NFRKB: variants seen among roughly 807,000 people sequenced by gnomAD.
The protein encoded by NFRKB is nuclear factor related to kappa-B-binding protein.
Under a neutral mutation model 135.7 loss-of-function variants are expected in NFRKB, and 62 were observed. The observed-to-expected ratio is 0.46, with a 90% CI of 0.37 to 0.56. The LOEUF is 0.56. Ranked by LOEUF, NFRKB falls within the 20% of genes least tolerant of loss-of-function variation. NFRKB has a pLI of 0.00. For synonymous variants in NFRKB, 678 were observed against 635.6 expected, an observed-to-expected ratio of 1.07 and a Z score of -1.00; for missense variants, 1,545 against 1,662.0, an observed-to-expected ratio of 0.93 and a Z score of 1.22.
At chr11:129,876,591 G>C (rs1948776323) in intron 17 of NFRKB, 130 bp downstream of exon 17, 1 of 992,166 alleles carries the variant, frequency 1.0e-6, no homozygotes, top group African/African-American at 1.6e-5. Context: ...GCAATGCTTT[G>C]AAAAACTATG....
Position 129,874,324 on chromosome 11 carries a change from T to C in NFRKB, c.2068A>G (p.Ser690Gly). ...PKPPSKVKSSSKESSIKVLSS... is the reference protein window; with the variant it reads ...PKPPSKVKSSGKESSIKVLSS... The stretch of plus-strand genomic sequence containing the variant: ...AGGACCTTTATGGAGCTCTCCTTGC[T>C]ACTGGACTTCTAGAACGGAAGACAA... Residue 690 changes from serine to glycine, a missense_variant, in exon 21 of 27, where the codon AGC becomes GGC. By Grantham distance (56) the Ser-to-Gly change is moderately conservative (BLOSUM62 0). Around this residue, in one of 3 missense-constraint regions of NFRKB, gnomAD observed 753 missense variants for 804.3 expected, o/e 0.94. Coordinates refer to ENST00000682444, the MANE Select transcript of NFRKB (RefSeq NM_001143835.2). This position sits in a 1 kb window ranked among gnomAD's most constrained non-coding sequence, Gnocchi z 4.5. 1 of 1,518,490 alleles carries C rather than the reference T, an allele frequency of 6.6e-7. No homozygotes were observed. Among genetic ancestry groups the C allele is most frequent in the Non-Finnish European group, 8.8e-7 (1 of 1,136,084 alleles). The allele number at this position is 1,518,490 out of a possible 1,614,324, so 94.1% of individuals were successfully genotyped here.
chr11:129,893,029 C>A (rs1047943183), intron 2 of NFRKB, 159 bp from the exon 3 acceptor site: 3 of 1,459,828 alleles, frequency 2.1e-6, no homozygotes, highest in African/African-American at 2.8e-5. Context: ...TCCCTTTCAC[C>A]ACAGCATTCC....
chr11:129,866,001 T>C lies in NFRKB; in HGVS notation c.3532-18A>G, dbSNP rs1948174286. On this transcript the variant is annotated intron_variant, in intron 24 of 26. Coordinates refer to ENST00000682444, the MANE Select transcript of NFRKB (RefSeq NM_001143835.2). Reference sequence around the variant, plus strand: ...AACTTCCCCTAGAAAAAAAAAGCAGTCAGGTTTTGTAAGACAGGAGGTAAG... The same window carrying C: ...AACTTCCCCTAGAAAAAAAAAGCAGCCAGGTTTTGTAAGACAGGAGGTAAG... The C allele has an allele frequency of 2.5e-6, 4 of 1,575,128 alleles. No homozygotes were observed. The highest frequency in any genetic ancestry group is 3.4e-6 in the Non-Finnish European group (4 of 1,162,352).
At chr11:129,889,589 G>T (rs1339031488) in intron 3 of NFRKB, among the ~76,000 whole-genome samples, 1 of 145,490 alleles carries the variant, frequency 6.9e-6, no homozygotes, top group Non-Finnish European at 1.5e-5. Context: ...TACTAACTTG[G>T]CCTGGCATAT....
At chr11:129,878,796 G>A (rs974728298) in intron 13 of NFRKB, among the ~76,000 whole-genome samples, 3 of 152,202 alleles carry the variant, frequency 2.0e-5, no homozygotes, top group African/African-American at 7.2e-5. Context: ...TGCATGTGAC[G>A]CTAAGGTTAC....
chr11:129,866,378 A>G (rs1465398567), intron 24 of NFRKB, among the ~76,000 whole-genome samples: 4 of 152,078 alleles, frequency 2.6e-5, no homozygotes. Flanking sequence ...CTGGGCACAC[A>G]ATCACTATTT....
rs1490237117 is a variant in NFRKB, at chr11:129,869,958, G to A, written c.3067C>T (p.Pro1023Ser). 6.2e-7 allele frequency: 1 copy of A among 1,614,240 alleles called. No homozygotes were observed. The highest frequency in any genetic ancestry group is 8.5e-7 in the Non-Finnish European group (1 of 1,180,042). ...TSNPVHAADS[P>S]AKASSASAPS... Reference sequence around the variant, plus strand: ...GCACTGGCTGAACTGGCCTTGGCAGGGCTATCAGCTGCATGTACTGGATTG... The same window carrying A: ...GCACTGGCTGAACTGGCCTTGGCAGAGCTATCAGCTGCATGTACTGGATTG... Residue 1023 changes from proline to serine, a missense_variant, in exon 24 of 27, where the codon CCT becomes TCT. By Grantham distance (74) the Pro-to-Ser change is moderately conservative. Coordinates refer to ENST00000682444, the MANE Select transcript of NFRKB (RefSeq NM_001143835.2).
Position 129,876,745 on chromosome 11 carries a change from C to A in NFRKB, c.1723G>T (p.Ala575Ser), listed in dbSNP as rs774369882. ...EHSLLRSDRP[A>S]YVTILSLVRD... ...CCAAGAGACAGAATGGTGACGTAGG[C>A]AGGCCGGTCGGAGCGCAGCAGGGAG... is the stretch of plus-strand genomic sequence containing the variant. The change falls in exon 17 of 27, where the codon GCC becomes TCC. Residue 575 changes from alanine (A) to serine (S), a missense_variant. By Grantham distance (99) the Ala-to-Ser change is moderately conservative. This residue lies in a region of NFRKB where 114 missense variants were observed against 211.0 expected (regional missense o/e 0.54). Transcript: ENST00000682444. 2.6e-5 allele frequency: 42 copies of A among 1,613,618 alleles called. No individual in the cohort carries two copies. The highest frequency in any genetic ancestry group is 3.6e-5 in the Non-Finnish European group (42 of 1,179,822).
At position 129,872,928 on chromosome 11, in the gene NFRKB, C is replaced by A. The variant is rs1324547169; in HGVS notation, c.2719G>T (p.Ala907Ser). The A allele has an allele frequency of 6.2e-7, 1 of 1,613,726 alleles. No individual in the cohort carries two copies. Among genetic ancestry groups the A allele is most frequent in the Admixed American group, 1.7e-5 (1 of 60,002 alleles). The part of the protein sequence containing the change: ...PGTSAPSAST[A>S]AVIQNVTGQN... ...CCTGTGACATTTTGAATGACGGCAG[C>A]CGTGGAGGCACTGGGAGCAGAGGTC... The change falls in exon 23 of 27, where the codon GCT becomes TCT. Residue 907 changes from alanine (A) to serine (S), a missense_variant. Transcript: ENST00000682444.
rs1399991712 is a variant in NFRKB at position 129,895,521 on chromosome 11, AC to A, written c.-128del. 1 of 151,938 alleles carries A rather than the reference AC, an allele frequency of 6.6e-6. No homozygotes were observed. The highest frequency in any genetic ancestry group is 1.5e-5 in the Non-Finnish European group (1 of 68,056). 9.4% of individuals were successfully genotyped at this position (151,938 alleles called of 1,614,324 possible). On this transcript the variant is annotated 5_prime_UTR_variant, in exon 1 of 27. Coordinates refer to ENST00000682444, the MANE Select transcript of NFRKB (RefSeq NM_001143835.2). ...CTGAACCGCGGGCGCCGGCCCCCTAACCCGCAGCCCTTCTCCGGCCGCGGGC... is the reference window on the plus strand; with the variant it reads ...CTGAACCGCGGGCGCCGGCCCCCTAACCGCAGCCCTTCTCCGGCCGCGGGC...
rs530581454 is a variant in NFRKB at position 129,885,503 on chromosome 11, C to T, written c.572G>A (p.Arg191His). 2.0e-5 allele frequency: 32 copies of T among 1,614,104 alleles called. No homozygotes were observed. Among genetic ancestry groups the T allele is most frequent in the Middle Eastern group, 3.3e-4 (2 of 6,062 alleles). Residue 191 changes from arginine (R) to histidine (H), a missense_variant, in exon 6 of 27, where the codon CGC becomes CAC. Arg to His is a conservative substitution (Grantham distance 29). Coordinates refer to ENST00000682444, the MANE Select transcript of NFRKB (RefSeq NM_001143835.2). The part of the protein sequence containing the change: ...PEEREWRTQQ[R>H]YLKVLREVKE... ...CACTTCCCTTAAGACCTTCAAGTAG[C>T]GCTGCTGGGTCCGCCACTCCCGCTC...
intron 18 of NFRKB, 110 bp downstream of exon 18, chr11:129,875,247 G>C: frequency 1.1e-6 from 1 of 947,992 alleles, no homozygotes. Context: ...TTCAAGGTAT[G>C]TTTTTCACTT....
intron 23 of NFRKB, 127 bp downstream of exon 23, chr11:129,872,757 T>C (rs1226680022): frequency 2.1e-6 from 2 of 953,374 alleles, no homozygotes; most frequent in Non-Finnish European, 3.1e-6. Context: ...TAAGTATCTA[T>C]AAGCTGAGAG....
intron 3 of NFRKB, among the ~76,000 whole-genome samples, chr11:129,889,087 G>A (rs989296240): frequency 2.6e-5 from 4 of 151,576 alleles, no homozygotes; most frequent in Non-Finnish European, 4.4e-5. Context: ...TCAGCCTCCC[G>A]AGTAGCTGGG....
intron 12 of NFRKB, 62 bp downstream of exon 12, chr11:129,881,665 T>G: frequency 6.3e-7 from 1 of 1,592,862 alleles, no homozygotes. Context: ...CTGCAGTTTA[T>G]TCTAATAATT....
chr11:129,866,021 G>A (rs777974969), intron 24 of NFRKB, 38 bp from the exon 25 acceptor site: 44 of 1,538,924 alleles, frequency 2.9e-5, no homozygotes, highest in Non-Finnish European at 3.6e-5. Context: ...TAAGACAGGA[G>A]GTAAGGAAAA....
At position 129,865,873 on chromosome 11, in the gene NFRKB, T is replaced by C. The variant is rs1271401415; in HGVS notation, c.3638+4A>G. On this transcript the variant is annotated splice_donor_region_variant and intron_variant, in intron 25 of 26. Coordinates refer to ENST00000682444, the MANE Select transcript of NFRKB (RefSeq NM_001143835.2). ...TGGTTCCTTTACCATGACATAGTAC[T>C]TACTTGGCTCCAAGGTTGCCTTTGA... 1.2e-6 allele frequency: 2 copies of C among 1,613,934 alleles called. No homozygotes were observed. Among genetic ancestry groups the C allele is most frequent in the Non-Finnish European group, 1.7e-6 (2 of 1,179,882 alleles).
At chr11:129,881,891 CTTCCACACCAGCAA>C in intron 11 of NFRKB, 38 bp from the exon 12 acceptor site, 1 of 1,559,088 alleles carries the variant, frequency 6.4e-7, no homozygotes, top group Non-Finnish European at 8.6e-7. Context: ...TCAGACTTCT[CTTCCACACCAGCAA>C]TTCCACACAA....
chr11:129,867,505 C>T (rs752780579), intron 24 of NFRKB, among the ~76,000 whole-genome samples: 6 of 151,916 alleles, frequency 3.9e-5, no homozygotes, highest in Admixed American at 1.3e-4. Context: ...CTGGTAGGGA[C>T]GGGGTTTCAC....
Sources: gnomAD v4.1 joint callset for allele counts (sites outside exome capture counted in the v4.1 genomes callset) on GRCh38, gnomAD v4.1.1 for gene constraint, gnomAD v4.1.1 regional missense constraint, Gnocchi (gnomAD v3.1) non-coding constraint, MANE v1.5 for transcripts, NCBI Gene and HGNC (gene_info 2026-07-23, HGNC 2026-07-21) for gene names.